ST3GAL2: variants seen among roughly 807,000 people sequenced by gnomAD.
ST3GAL2 encodes ST3 beta-galactoside alpha-2,3-sialyltransferase 2, also known as CMP-N-acetylneuraminate-beta-galactosamide-alpha-2,3-sialyltransferase 2.
A neutral mutation model predicts 37.5 loss-of-function variants in ST3GAL2; 16 were observed. The ratio of observed to expected loss-of-function variants is 0.43; its 90% CI spans 0.29 to 0.65. The LOEUF is 0.65. Among genes scored for constraint, ST3GAL2 ranks in the 30% least tolerant of loss-of-function variants. ST3GAL2 has a pLI of 0.17. For missense variants in ST3GAL2, 383 were observed against 487.8 expected, an observed-to-expected ratio of 0.79 and a Z score of 2.02; for synonymous variants, 238 against 202.9, an observed-to-expected ratio of 1.17 and a Z score of -1.47.
At chr16:70,391,834 C>T (rs2047484301) in intron 3 of ST3GAL2, among the ~76,000 whole-genome samples, 1 of 152,192 alleles carries the variant, frequency 6.6e-6, no homozygotes, top group Non-Finnish European at 1.5e-5. Flanking sequence ...GTTTCGAGCT[C>T]CTGGGCTCAA....
intron 1 of ST3GAL2, among the ~76,000 whole-genome samples, chr16:70,435,192 C>G (rs552580552): frequency 2.0e-5 from 3 of 152,184 alleles, no homozygotes; most frequent in African/African-American, 7.2e-5. Flanking sequence ...AGTGTCCCCC[C>G]AGTCATTACC....
intron 3 of ST3GAL2, among the ~76,000 whole-genome samples, chr16:70,392,501 C>T (rs2047488516): frequency 6.6e-6 from 1 of 152,224 alleles, no homozygotes. Flanking sequence ...CCCCTTCACT[C>T]CTGCATGTAT....
Position 70,398,706 on chromosome 16 carries a change from C to A in ST3GAL2, c.-176G>T. The stretch of plus-strand genomic sequence containing the variant: ...CACGCCCTCCCTCATGTAGGGAGAA[C>A]ACACGTTGGCAGGAGTGGCTGTCCT... On this transcript the variant is annotated 5_prime_UTR_variant, in exon 2 of 7. Coordinates refer to ENST00000342907, the MANE Select transcript of ST3GAL2 (RefSeq NM_006927.4). 1 of 650,226 alleles carries A rather than the reference C, an allele frequency of 1.5e-6. No homozygotes were observed. The allele number at this position is 650,226 out of a possible 1,614,324, so 40.3% of individuals were successfully genotyped here.
chr16:70,382,194 T>G (rs2047411208), intron 6 of ST3GAL2, among the ~76,000 whole-genome samples: 1 of 152,052 alleles, frequency 6.6e-6, no homozygotes, highest in Non-Finnish European at 1.5e-5. Flanking sequence ...GTTCCATTTT[T>G]ACACGAAGTA....
At chr16:70,414,044 C>T (rs1476598568) in intron 1 of ST3GAL2, among the ~76,000 whole-genome samples, 2 of 152,072 alleles carry the variant, frequency 1.3e-5, no homozygotes, top group Non-Finnish European at 2.9e-5. Context: ...AAAGTGGAGG[C>T]GTACATGAAT....
At chr16:70,383,121 T>C in intron 5 of ST3GAL2, 69 bp downstream of exon 5, 1 of 1,598,816 alleles carries the variant, frequency 6.3e-7, no homozygotes, top group South Asian at 1.1e-5. Context: ...ACACCTGAGC[T>C]ACAGGACCAG....
chr16:70,380,813 C>T lies in ST3GAL2; in HGVS notation c.*876G>A, dbSNP rs1458081591. 2 of 152,994 alleles carry T rather than the reference C, an allele frequency of 1.3e-5. No individual in the cohort carries two copies. The highest frequency in any genetic ancestry group is 2.4e-5 in the African/African-American group (1 of 41,494). 9.5% of individuals were successfully genotyped at this position (152,994 alleles called of 1,614,324 possible). ...CCAGCCTCCTTCCGCCGTGCAGCCC[C>T]CTCCCCAGGGGCCAGAGCCGGCCGA... On this transcript the variant is annotated 3_prime_UTR_variant, in exon 7 of 7. Transcript: ENST00000342907.
intron 1 of ST3GAL2, among the ~76,000 whole-genome samples, chr16:70,425,537 T>A (rs1046523231): frequency 6.6e-6 from 1 of 152,154 alleles, no homozygotes; most frequent in Middle Eastern, 3.4e-3. Flanking sequence ...TGCTTTGCCA[T>A]AGTTCTACTG....
Position 70,398,393 on chromosome 16 carries a change from G to C in ST3GAL2, c.138C>G (p.His46Gln), listed in dbSNP as rs778073249. The change falls in exon 2 of 7, where the codon CAC becomes CAG. Residue 46 changes from histidine to glutamine, a missense_variant. His to Gln is a conservative substitution (Grantham distance 24). Coordinates refer to ENST00000342907, the MANE Select transcript of ST3GAL2 (RefSeq NM_006927.4). Reference protein sequence around the residue: ...YLDSGALDGTHRVKLVPGYAG... With the variant: ...YLDSGALDGTQRVKLVPGYAG... ...CATAGCCGGGCACCAGCTTCACCCG[G>C]TGCGTCCCATCCAGGGCCCCTGAGT... 3 of 1,613,644 alleles carry C rather than the reference G, an allele frequency of 1.9e-6. No individual in the cohort carries two copies. The highest frequency in any genetic ancestry group is 2.2e-5 in the South Asian group (2 of 91,090).
chr16:70,382,949 A>G (rs373482156), intron 5 of ST3GAL2, 25 bp from the exon 6 acceptor site: 3 of 1,609,970 alleles, frequency 1.9e-6, no homozygotes, highest in South Asian at 1.1e-5. Context: ...GATGACAGGT[A>G]TATGAGGGGT....
At chr16:70,426,112 A>T (rs1463366892) in intron 1 of ST3GAL2, among the ~76,000 whole-genome samples, 1 of 151,816 alleles carries the variant, frequency 6.6e-6, no homozygotes, top group African/African-American at 2.4e-5. Context: ...CCGTCAATAT[A>T]GAACGTAACA....
intron 1 of ST3GAL2, among the ~76,000 whole-genome samples, chr16:70,428,668 C>G (rs913687061): frequency 1.6e-4 from 25 of 152,238 alleles, no homozygotes; most frequent in Non-Finnish European, 5.9e-5. Context: ...GGTCCCCACA[C>G]GTCCCCTGCC....
At chr16:70,418,776 G>C (rs2047693030) in intron 1 of ST3GAL2, among the ~76,000 whole-genome samples, 1 of 152,172 alleles carries the variant, frequency 6.6e-6, no homozygotes, top group African/African-American at 2.4e-5. Flanking sequence ...GCACTCTGCT[G>C]TCCTCCCTAG....
At chr16:70,435,985 G>A (rs1431397656) in intron 1 of ST3GAL2, among the ~76,000 whole-genome samples, 1 of 151,100 alleles carries the variant, frequency 6.6e-6, no homozygotes, top group African/African-American at 2.4e-5. Flanking sequence ...AATCAGCCGG[G>A]CATGGTGGCA....
Position 70,398,906 on chromosome 16 carries a change from G to A in ST3GAL2, c.-376C>T, listed in dbSNP as rs1283829782. On this transcript the variant is annotated 5_prime_UTR_variant, in exon 2 of 7. Transcript: ENST00000342907. ...AGCTCTAGGGGTCCCCCTCTTTGGC[G>A]GCTTGAAATAATCCAGTCTGGAGCA... The A allele has an allele frequency of 3.9e-5, 18 of 465,548 alleles. No homozygotes were observed. The highest frequency in any genetic ancestry group is 1.3e-4 in the East Asian group (4 of 31,816). The allele number at this position is 465,548 out of a possible 1,614,324, so 28.8% of individuals were successfully genotyped here. A position where few individuals can be genotyped will look rare whatever the true frequency, so the allele number is the denominator to read the frequency against.
At chr16:70,414,703 C>G (rs1011957248) in intron 1 of ST3GAL2, among the ~76,000 whole-genome samples, 7 of 152,074 alleles carry the variant, frequency 4.6e-5, no homozygotes, top group Admixed American at 2.0e-4. Context: ...GATAGAGTCT[C>G]ACTCTGTCAT....
intron 1 of ST3GAL2, among the ~76,000 whole-genome samples, chr16:70,426,569 T>C (rs527639383): frequency 6.7e-6 from 1 of 149,936 alleles, no homozygotes; most frequent in African/African-American, 2.5e-5. Context: ...TGGAGTGCAA[T>C]GGCGCAATCT....
chr16:70,402,931 A>G (rs2047565802), intron 1 of ST3GAL2, among the ~76,000 whole-genome samples: 1 of 152,226 alleles, frequency 6.6e-6, no homozygotes, highest in Non-Finnish European at 1.5e-5. Flanking sequence ...GATTACAGGC[A>G]TGAGCCACTG....
intron 4 of ST3GAL2, among the ~76,000 whole-genome samples, chr16:70,386,877 CT>C (rs2047447147): frequency 6.6e-6 from 1 of 152,206 alleles, no homozygotes; most frequent in Non-Finnish European, 1.5e-5. Context: ...AACTCCTGAC[CT>C]TGTGATCCAC....
Sources: allele counts gnomAD v4.1 joint callset (sites outside exome capture counted in the v4.1 genomes callset), GRCh38; gene constraint gnomAD v4.1.1; transcripts MANE v1.5; gene names NCBI Gene and HGNC (gene_info 2026-07-23, HGNC 2026-07-21).